CSNK1A1: variants seen among roughly 807,000 people sequenced by gnomAD.
The protein encoded by CSNK1A1 is casein kinase I isoform alpha.
Under a neutral mutation model 46.1 loss-of-function variants are expected in CSNK1A1, and 7 were observed. The observed-to-expected ratio is 0.15, with a 90% CI of 0.09 to 0.29. The LOEUF (loss-of-function observed/expected upper bound fraction) is 0.29. CSNK1A1 is among the 10% of genes least tolerant of loss of function. CSNK1A1 has a pLI of 1.00. For synonymous variants in CSNK1A1, 137 were observed against 141.5 expected, an observed-to-expected ratio of 0.97 and a Z score of 0.23; for missense variants, 96 against 417.1, an observed-to-expected ratio of 0.23 and a Z score of 6.71.
chr5:149,548,257 C>A (rs1297206754), intron 2 of CSNK1A1, among the ~76,000 whole-genome samples: 1 of 152,112 alleles, frequency 6.6e-6, no homozygotes, highest in Non-Finnish European at 1.5e-5. Context: ...ATGAAAAATA[C>A]AAACTGGAAT....
intron 2 of CSNK1A1, among the ~76,000 whole-genome samples, chr5:149,539,521 G>A (rs1419547874): frequency 6.6e-6 from 1 of 151,452 alleles, no homozygotes; most frequent in Non-Finnish European, 1.5e-5. Flanking sequence ...TGTAATTCTA[G>A]GAAAAGATGG....
At chr5:149,502,421 C>A (rs1042566305) in intron 9 of CSNK1A1, 10 of 544,204 alleles carry the variant, frequency 1.8e-5, no homozygotes, top group Non-Finnish European at 2.3e-5. Flanking sequence ...GCTCTCATTG[C>A]AGCCTCAACC....
intron 9 of CSNK1A1, chr5:149,498,696 C>G: frequency 1.0e-6 from 1 of 985,328 alleles, no homozygotes; most frequent in Non-Finnish European, 1.2e-6. Context: ...TTCACAACTA[C>G]TAAAATTGCT....
At chr5:149,497,834 T>C in intron 9 of CSNK1A1, 3 of 985,380 alleles carry the variant, frequency 3.0e-6, no homozygotes, top group Non-Finnish European at 3.6e-6. Context: ...TTTCTTTTAG[T>C]TCTTTTTTCT....
chr5:149,504,809 C>A (rs1760974563), intron 9 of CSNK1A1: 1 of 985,376 alleles, frequency 1.0e-6, no homozygotes, highest in African/African-American at 1.7e-5. Flanking sequence ...CATACGTAAA[C>A]TGCAAATAAA....
intron 6 of CSNK1A1, among the ~76,000 whole-genome samples, chr5:149,510,468 G>GT (rs374883658): frequency 1.3e-5 from 2 of 150,442 alleles, no homozygotes; most frequent in South Asian, 2.1e-4. Flanking sequence ...CCTTTTCTTT[G>GT]TTTTTTTGTT....
chr5:149,522,932 C>T (rs969941886), intron 3 of CSNK1A1, among the ~76,000 whole-genome samples: 10 of 152,088 alleles, frequency 6.6e-5, no homozygotes, highest in Non-Finnish European at 1.0e-4. Flanking sequence ...GTGGTAGGCT[C>T]TCAATACATG....
chr5:149,542,796 A>G lies in CSNK1A1; in HGVS notation c.230+7279T>C, dbSNP rs1201141830. On this transcript the variant is annotated intron_variant, in intron 2 of 9. Coordinates refer to ENST00000377843, the MANE Select transcript of CSNK1A1 (RefSeq NM_001892.6). ...CTGCAACCTCTGCCTCCCGGGCTCAAGCAATTCTCCTGACTCAGCCTCCCA... is the reference window on the plus strand; with the variant it reads ...CTGCAACCTCTGCCTCCCGGGCTCAGGCAATTCTCCTGACTCAGCCTCCCA... 1.9e-4 allele frequency among the ~76,000 whole-genome samples: 28 copies of G among 144,758 alleles called. 1 individual carries two copies. The highest frequency in any genetic ancestry group is 4.1e-4 in the Non-Finnish European group (27 of 66,452). 95.0% of individuals were successfully genotyped at this position (144,758 alleles called of 152,430 possible). A position where few individuals can be genotyped will look rare whatever the true frequency, so the allele number is the denominator to read the frequency against.
At position 149,550,704 on chromosome 5, in the gene CSNK1A1, C is replaced by G. The variant is rs1762630676; in HGVS notation, c.123+138G>C. ...GGAGACAGCGGACGAGGTTCGTAAG[C>G]CAGGAAAACTAGCTCCCTGGACTCC... On this transcript the variant is annotated intron_variant, in intron 1 of 9. Transcript: ENST00000377843. This position sits in a 1 kb window ranked among gnomAD's most constrained non-coding sequence, Gnocchi z 4.3. 8.0e-7 allele frequency: 1 copy of G among 1,252,968 alleles called. No individual in the cohort carries two copies. Among genetic ancestry groups the G allele is most frequent in the Non-Finnish European group, 1.1e-6 (1 of 913,168 alleles). 77.6% of individuals were successfully genotyped at this position (1,252,968 alleles called of 1,614,324 possible).
chr5:149,526,652 C>G (rs2113130674), intron 2 of CSNK1A1, among the ~76,000 whole-genome samples: 1 of 152,192 alleles, frequency 6.6e-6, no homozygotes, highest in East Asian at 1.9e-4. Flanking sequence ...GATAACTATA[C>G]AGATGTGCTA....
Position 149,494,070 on chromosome 5 carries a change from C to A in CSNK1A1, c.*2783G>T, listed in dbSNP as rs1226959898. ...AAGAACATATTCCTTAATAGTTCAG[C>A]AAACTTTAGGGAAAACTAGCTCATT... On this transcript the variant is annotated 3_prime_UTR_variant, in exon 10 of 10. Transcript: ENST00000377843. The A allele has an allele frequency of 2.6e-5, 4 of 152,148 alleles. No homozygotes were observed. Among genetic ancestry groups the A allele is most frequent in the African/African-American group, 9.7e-5 (4 of 41,434 alleles). The allele number at this position is 152,148 out of a possible 1,614,324, so 9.4% of individuals were successfully genotyped here.
At chr5:149,514,448 A>C (rs1190285270) in intron 4 of CSNK1A1, among the ~76,000 whole-genome samples, 1 of 152,226 alleles carries the variant, frequency 6.6e-6, no homozygotes, top group Admixed American at 6.5e-5. Flanking sequence ...CTATTATGCT[A>C]TATTTTAATA....
chr5:149,524,043 A>C (rs996949279), intron 3 of CSNK1A1, among the ~76,000 whole-genome samples: 4 of 152,212 alleles, frequency 2.6e-5, no homozygotes, highest in Non-Finnish European at 4.4e-5. Flanking sequence ...TACTTGAAAG[A>C]AGCTCACAGT....
chr5:149,545,580 G>T, intron 2 of CSNK1A1: 1 of 758,778 alleles, frequency 1.3e-6, no homozygotes, highest in African/African-American at 1.7e-5. Context: ...GTTCGCAGCT[G>T]ACACCCTTTG....
At chr5:149,503,225 G>T (rs1006167390) in intron 9 of CSNK1A1, 2 of 985,328 alleles carry the variant, frequency 2.0e-6, no homozygotes, top group Admixed American at 6.1e-5. Flanking sequence ...TTGCTGGGCT[G>T]GGGGTAGAAG....
chr5:149,507,777 G>A (rs1761084914), intron 7 of CSNK1A1, among the ~76,000 whole-genome samples: 1 of 152,130 alleles, frequency 6.6e-6, no homozygotes, highest in Non-Finnish European at 1.5e-5. Context: ...CCAGCCTTCA[G>A]AAGTTTCTAA....
In CSNK1A1 at chr5:149,542,671, TGTATATATATATATATATATA is replaced by T. The variant is rs1762333298; in HGVS notation, c.230+7383_230+7403del. The stretch of plus-strand genomic sequence containing the variant: ...ATATATATATATATATATATATATA[TGTATATATATATATATATATA>T]TTTTTTTTTTTTTTTTTTTTTGAGA... On this transcript the variant is annotated intron_variant, in intron 2 of 9. Transcript: ENST00000377843. Among the ~76,000 whole-genome samples, 3 of 9,868 alleles carry T rather than the reference TGTATATATATATATATATATA, an allele frequency of 3.0e-4. 1 individual carries two copies. The highest frequency in any genetic ancestry group is 4.6e-4 in the African/African-American group (1 of 2,172). 6.5% of individuals were successfully genotyped at this position (9,868 alleles called of 152,430 possible).
At chr5:149,548,216 A>G (rs1762539580) in intron 2 of CSNK1A1, among the ~76,000 whole-genome samples, 1 of 152,138 alleles carries the variant, frequency 6.6e-6, no homozygotes, top group Admixed American at 6.5e-5. Flanking sequence ...TTCCATGTAA[A>G]GACTATGCAA....
intron 9 of CSNK1A1, chr5:149,497,859 A>G: frequency 1.0e-6 from 1 of 980,724 alleles, no homozygotes; most frequent in South Asian, 4.7e-5. Context: ...TTTTGGAGAC[A>G]GTCTCGCTCT....
Sources: gnomAD v4.1 joint callset for allele counts (sites outside exome capture counted in the v4.1 genomes callset) on GRCh38, gnomAD v4.1.1 for gene constraint, Gnocchi (gnomAD v3.1) non-coding constraint, MANE v1.5 for transcripts, NCBI Gene and HGNC (gene_info 2026-07-23, HGNC 2026-07-21) for gene names.